The following PRDM16 variants were observed in gnomAD, a reference collection of about 807,000 sequenced individuals.
PRDM16 encodes PR/SET domain 16.
A neutral mutation model predicts 110.6 loss-of-function variants in PRDM16; 23 were observed. That is an observed-to-expected ratio of 0.21 (90% CI 0.15 to 0.29). The LOEUF (loss-of-function observed/expected upper bound fraction) is 0.29, where lower values mean the gene tolerates loss of function less well. PRDM16 is among the 10% of genes least tolerant of loss of function. PRDM16 has a pLI of 1.00. For missense variants in PRDM16, 1,615 were observed against 1,794.3 expected, an observed-to-expected ratio of 0.90 and a Z score of 1.81; for synonymous variants, 799 against 781.8, an observed-to-expected ratio of 1.02 and a Z score of -0.37.
At position 3,302,508 on chromosome 1, in the gene PRDM16, T is replaced by TAAAA. The variant is rs35595493; in HGVS notation, c.438+58378_438+58381dup. Among the ~76,000 whole-genome samples, 398 of 151,268 alleles carry TAAAA rather than the reference T, an allele frequency of 2.6e-3. 2 individuals carry two copies. The highest frequency in any genetic ancestry group is 7.6e-3 in the African/African-American group (314 of 41,236). On this transcript the variant is annotated intron_variant, in intron 3 of 16. Coordinates refer to ENST00000270722, the MANE Select transcript of PRDM16 (RefSeq NM_022114.4). The stretch of plus-strand genomic sequence containing the variant: ...TTGTTGCCACAAAGTATCCATTTGT[T>TAAAA]AAAAAAAAAATGCAATATTGCAAAG...
intron 5 of PRDM16, among the ~76,000 whole-genome samples, chr1:3,399,786 T>C (rs1643438170): frequency 6.6e-6 from 1 of 152,244 alleles, no homozygotes; most frequent in African/African-American, 2.4e-5. Context: ...TGTCTTTGTT[T>C]TCAAATTTCA....
chr1:3,148,881 G>A lies in PRDM16; in HGVS notation c.38-37244G>A, dbSNP rs764825444. Among the ~76,000 whole-genome samples the A allele has an allele frequency of 3.3e-5, 5 of 152,314 alleles. No homozygotes were observed. The highest frequency in any genetic ancestry group is 7.4e-5 in the Non-Finnish European group (5 of 68,024). ...ATTTAGTGTGTTGTGGGGGTTCATC[G>A]TTCCAAAAAAGGAGGATCCCAGTTG... On this transcript the variant is annotated intron_variant, in intron 1 of 16. Transcript: ENST00000270722. This position sits in a 1 kb window ranked among gnomAD's most constrained non-coding sequence, Gnocchi z 5.0.
chr1:3,077,951 G>A (rs1027152258), intron 1 of PRDM16, among the ~76,000 whole-genome samples: 2 of 152,192 alleles, frequency 1.3e-5, no homozygotes, highest in African/African-American at 4.8e-5. Context: ...GGAGGCACAG[G>A]TGCCAGAATC....
At chr1:3,123,700 G>A (rs1643144561) in intron 1 of PRDM16, among the ~76,000 whole-genome samples, 1 of 152,256 alleles carries the variant, frequency 6.6e-6, no homozygotes, top group Non-Finnish European at 1.5e-5. Context: ...GCGGCTGTGA[G>A]GGTGGCAACA....
At chr1:3,198,549 C>T (rs528087953) in intron 2 of PRDM16, among the ~76,000 whole-genome samples, 2 of 152,336 alleles carry the variant, frequency 1.3e-5, no homozygotes, top group African/African-American at 2.4e-5. Flanking sequence ...CCTTCTGGGA[C>T]GCGTGGGCAG....
At chr1:3,233,464 A>C (rs72848029) in intron 2 of PRDM16, among the ~76,000 whole-genome samples, 9,064 of 152,226 alleles carry the variant, frequency 0.06, 889 homozygotes, top group African/African-American at 0.21. Flanking sequence ...AGTGAGCGGA[A>C]TCTGTCCTGG....
At chr1:3,377,430 G>A (rs1315775248) in intron 3 of PRDM16, among the ~76,000 whole-genome samples, 1 of 152,246 alleles carries the variant, frequency 6.6e-6, no homozygotes, top group Non-Finnish European at 1.5e-5. Flanking sequence ...CCAGAAGAGA[G>A]CCCACAAATT....
intron 1 of PRDM16, among the ~76,000 whole-genome samples, chr1:3,180,547 G>C (rs72630981): frequency 1.3e-5 from 2 of 152,014 alleles, no homozygotes; most frequent in African/African-American, 4.8e-5. Context: ...CACAGGGCCC[G>C]AGGGCCGCAA....
chr1:3,383,421 A>G lies in PRDM16; in HGVS notation c.439-1731A>G, dbSNP rs1643139540. ...GATGTCAACAAGGAGACTGAGAGCA[A>G]GTGGAACAGGAAAGAGACTCGAGGC... On this transcript the variant is annotated intron_variant, in intron 3 of 16. Transcript: ENST00000270722. Among the ~76,000 whole-genome samples the G allele has an allele frequency of 2.0e-5, 3 of 152,168 alleles. No individual in the cohort carries two copies. The South Asian group carries it at 6.2e-4, about 32-fold the overall frequency.
At position 3,350,344 on chromosome 1, in the gene PRDM16, G is replaced by C. The variant is rs886990204; in HGVS notation, c.439-34808G>C. Among the ~76,000 whole-genome samples the C allele has an allele frequency of 1.3e-5, 2 of 152,052 alleles. No individual in the cohort carries two copies. Among genetic ancestry groups the C allele is most frequent in the African/African-American group, 4.8e-5 (2 of 41,422 alleles). ...CTGTCTCAAAAAAATGAAAAGAAAA[G>C]ATCTGGAAGTGGGAGGGGAGGCGGC... On this transcript the variant is annotated intron_variant, in intron 3 of 16. Coordinates refer to ENST00000270722, the MANE Select transcript of PRDM16 (RefSeq NM_022114.4). The surrounding 1 kb of genome is among the most constrained non-coding windows in gnomAD (Gnocchi z 7.1).
At chr1:3,430,449 G>A (rs943508871) in intron 14 of PRDM16, among the ~76,000 whole-genome samples, 8 of 152,154 alleles carry the variant, frequency 5.3e-5, no homozygotes, top group South Asian at 2.1e-4. Flanking sequence ...CAGTGCCCAC[G>A]TCCTCGAGTT....
intron 1 of PRDM16, among the ~76,000 whole-genome samples, chr1:3,134,809 G>A (rs1321655260): frequency 2.6e-5 from 4 of 152,240 alleles, no homozygotes; most frequent in Non-Finnish European, 2.9e-5. Flanking sequence ...AGGCAGAGGC[G>A]GCAAACAGGC....
At chr1:3,311,404 G>T (rs1641457364) in intron 3 of PRDM16, among the ~76,000 whole-genome samples, 1 of 152,196 alleles carries the variant, frequency 6.6e-6, no homozygotes, top group Non-Finnish European at 1.5e-5. Flanking sequence ...CCCGTGCATT[G>T]GTGCCCGCTC....
At chr1:3,207,262 C>T (rs1383503725) in intron 2 of PRDM16, 2 of 152,260 alleles carry the variant, frequency 1.3e-5, no homozygotes, top group Non-Finnish European at 2.9e-5. Context: ...GTTAATTCCA[C>T]TGCCGAGCTC....
rs575652954 is a variant in PRDM16 at position 3,357,157 on chromosome 1, G to A, written c.439-27995G>A. Among the ~76,000 whole-genome samples the A allele has an allele frequency of 4.5e-4, 69 of 152,186 alleles. No homozygotes were observed. The South Asian group carries it at 5.2e-3, about 11-fold the overall frequency. On this transcript the variant is annotated intron_variant, in intron 3 of 16. Coordinates refer to ENST00000270722, the MANE Select transcript of PRDM16 (RefSeq NM_022114.4). ...GGCCCTGTCTCTGCTGTCTGGGGCC[G>A]GGCCCTGGGAAGCCTCAGCAGCCAG...
intron 1 of PRDM16, among the ~76,000 whole-genome samples, chr1:3,075,226 A>T (rs1641870619): frequency 1.3e-5 from 2 of 152,274 alleles, no homozygotes; most frequent in South Asian, 4.1e-4. Context: ...GAGGGAAGTC[A>T]GATTCTGGTG....
rs138919367 is a variant in PRDM16, at chr1:3,079,070, G to A, written c.37+9774G>A. Among the ~76,000 whole-genome samples, 565 of 152,364 alleles carry A rather than the reference G, an allele frequency of 3.7e-3. 2 individuals are homozygous for A. Among genetic ancestry groups the A allele is most frequent in the African/African-American group, 1.0e-2 (415 of 41,588 alleles). ...CTCCCCGGGCAAACAGGAAGTTGGC[G>A]TGACTGTCTCCGACGGCTCCGGGCA... On this transcript the variant is annotated intron_variant, in intron 1 of 16. Coordinates refer to ENST00000270722, the MANE Select transcript of PRDM16 (RefSeq NM_022114.4).
At chr1:3,357,133 G>A (rs917344341) in intron 3 of PRDM16, among the ~76,000 whole-genome samples, 1 of 152,140 alleles carries the variant, frequency 6.6e-6, no homozygotes, top group Non-Finnish European at 1.5e-5. Context: ...CTGCATGCCG[G>A]CCCTGTCTCT....
At position 3,076,607 on chromosome 1, in the gene PRDM16, G is replaced by A. The variant is rs779947656; in HGVS notation, c.37+7311G>A. Among the ~76,000 whole-genome samples, 12 of 152,180 alleles carry A rather than the reference G, an allele frequency of 7.9e-5. 1 individual carries two copies. The highest frequency in any genetic ancestry group is 1.6e-4 in the Non-Finnish European group (11 of 68,026). Reference sequence around the variant, plus strand: ...TCCGAGGGTGTCTGTCTCCTTCCTCGCCCACAGGTAGTGCCAGGGGGCATT... The same window carrying A: ...TCCGAGGGTGTCTGTCTCCTTCCTCACCCACAGGTAGTGCCAGGGGGCATT... On this transcript the variant is annotated intron_variant, in intron 1 of 16. Coordinates refer to ENST00000270722, the MANE Select transcript of PRDM16 (RefSeq NM_022114.4).
Sources: allele counts gnomAD v4.1 joint callset (sites outside exome capture counted in the v4.1 genomes callset), GRCh38; gene constraint gnomAD v4.1.1; non-coding constraint Gnocchi (gnomAD v3.1); transcripts MANE v1.5; gene names NCBI Gene and HGNC (gene_info 2026-07-23, HGNC 2026-07-21).